LAMA2: variants seen among roughly 807,000 people sequenced by gnomAD.
LAMA2 encodes laminin subunit alpha-2.
In LAMA2, 269 loss-of-function variants were observed where a neutral mutation model predicts 364.8. That is an observed-to-expected ratio of 0.74 (90% confidence interval 0.67 to 0.82). The LOEUF is 0.82. LAMA2 is among the 40% of genes least tolerant of loss of function. The pLI, the probability that LAMA2 is intolerant of heterozygous loss-of-function variation, is 0.00. For missense variants in LAMA2, 3,807 were observed against 3,873.2 expected (o/e 0.98, Z 0.45); for synonymous variants, 1,379 against 1,370.6 (o/e 1.01, Z -0.14).
chr6:129,122,282 A>G (rs927082739), intron 4 of LAMA2, among the ~76,000 whole-genome samples: 1 of 152,200 alleles, frequency 6.6e-6, no homozygotes, highest in Non-Finnish European at 1.5e-5. Context: ...TTATATGAGA[A>G]CTTATTCCTT....
At chr6:129,216,596 G>A (rs573154950) in intron 12 of LAMA2, among the ~76,000 whole-genome samples, 22 of 152,238 alleles carry the variant, frequency 1.4e-4, no homozygotes, top group African/African-American at 5.3e-4. Context: ...GCTAGTCAAT[G>A]TTGAATCACA....
chr6:128,914,818 C>A (rs1283594412), intron 1 of LAMA2, among the ~76,000 whole-genome samples: 1 of 151,994 alleles, frequency 6.6e-6, no homozygotes, highest in African/African-American at 2.4e-5. Context: ...TTATTGGGTT[C>A]ATTATTATCA....
At chr6:129,406,026 A>G (rs536686143) in intron 40 of LAMA2, among the ~76,000 whole-genome samples, 1 of 152,306 alleles carries the variant, frequency 6.6e-6, no homozygotes, top group East Asian at 1.9e-4. Flanking sequence ...GTCAAGTAGT[A>G]GAGCAACCAA....
At position 129,425,334 on chromosome 6, in the gene LAMA2, A is replaced by C. The variant is rs950591140; in HGVS notation, c.5866-2418A>C. On this transcript the variant is annotated intron_variant, in intron 40 of 64. Transcript: ENST00000421865. ...TCCCTCCACAATTTCCACAACTTAG[A>C]TTTTAGCCTCTTTCACTGTTGTTTG... Among the ~76,000 whole-genome samples the C allele has an allele frequency of 8.5e-5, 13 of 152,082 alleles. 1 individual carries two copies. Among genetic ancestry groups the C allele is most frequent in the African/African-American group, 3.1e-4 (13 of 41,492 alleles).
chr6:129,230,080 GA>G (rs1255560468), intron 12 of LAMA2, among the ~76,000 whole-genome samples: 1 of 152,038 alleles, frequency 6.6e-6, no homozygotes, highest in Admixed American at 6.6e-5. Context: ...AATGAATAAC[GA>G]GACAAAATAT....
At chr6:129,154,774 T>C in intron 8 of LAMA2, 91 bp downstream of exon 8, 3 of 1,054,414 alleles carry the variant, frequency 2.8e-6, no homozygotes, top group Non-Finnish European at 4.3e-6. Context: ...TTTGAAAGCT[T>C]CTGTAAACAG....
rs189768181 is a variant in LAMA2, at chr6:129,418,993, C to T, written c.5866-8759C>T. ...AATATGCACTACCTCACATACTGGT[C>T]ATTTTTCTGTGTTGAGAACACTTAA... On this transcript the variant is annotated intron_variant, in intron 40 of 64. Coordinates refer to ENST00000421865, the MANE Select transcript of LAMA2 (RefSeq NM_000426.4). Among the ~76,000 whole-genome samples the T allele has an allele frequency of 2.0e-5, 3 of 151,962 alleles. No homozygotes were observed. In the East Asian group the frequency reaches 5.8e-4, roughly 29 times the overall value.
intron 3 of LAMA2, among the ~76,000 whole-genome samples, chr6:129,097,372 C>T (rs1775248661): frequency 6.6e-6 from 1 of 152,174 alleles, no homozygotes; most frequent in African/African-American, 2.4e-5. Context: ...TACCACAAAA[C>T]ATCTAGAATA....
At chr6:129,271,882 G>A (rs73774634) in intron 17 of LAMA2, among the ~76,000 whole-genome samples, 2,092 of 152,080 alleles carry the variant, frequency 0.014, 49 homozygotes, top group African/African-American at 0.048. Flanking sequence ...CCCAGAATGC[G>A]CCTAATTAAA....
intron 1 of LAMA2, among the ~76,000 whole-genome samples, chr6:129,005,458 C>T (rs1002161895): frequency 6.6e-6 from 1 of 151,712 alleles, no homozygotes; most frequent in Non-Finnish European, 1.5e-5. Flanking sequence ...TCAAAGAAAA[C>T]CTGCTTTTTA....
chr6:129,095,883 A>G (rs1271187273), intron 3 of LAMA2, among the ~76,000 whole-genome samples: 1 of 151,898 alleles, frequency 6.6e-6, no homozygotes, highest in Non-Finnish European at 1.5e-5. Context: ...AGCTTGCGCC[A>G]TTGCACTCCA....
rs764597877 is a variant in LAMA2, at chr6:129,188,926, G to A, written c.1468-1279G>A. 4.6e-5 allele frequency among the ~76,000 whole-genome samples: 7 copies of A among 151,884 alleles called. No homozygotes were observed. In the Middle Eastern group the frequency reaches 0.01, roughly 221 times the overall value. ...ATCATCCCTATCTTCTGCTCAATCT[G>A]GGTTTGTTTAAAGTGTTTTTATTCA... On this transcript the variant is annotated intron_variant, in intron 10 of 64. Coordinates refer to ENST00000421865, the MANE Select transcript of LAMA2 (RefSeq NM_000426.4).
At chr6:129,048,440 TTTTCTTTC>T (rs1271730400) in intron 1 of LAMA2, among the ~76,000 whole-genome samples, 1,385 of 103,772 alleles carry the variant, frequency 0.013, 70 homozygotes, top group African/African-American at 0.027. Flanking sequence ...TTCTTTTTTC[TTTTCTTTC>T]TTTCTTTCTT....
intron 12 of LAMA2, among the ~76,000 whole-genome samples, chr6:129,208,652 A>G (rs1231373167): frequency 2.7e-5 from 4 of 145,754 alleles, no homozygotes; most frequent in Non-Finnish European, 4.5e-5. Context: ...GAAGGAAGGA[A>G]GAGAGGGAGA....
chr6:129,283,227 C>T (rs2326794), intron 18 of LAMA2, among the ~76,000 whole-genome samples: 98,040 of 151,854 alleles, frequency 0.65, 33,838 homozygotes, highest in Non-Finnish European at 0.77. Context: ...AAGAGGAGAA[C>T]AAAAATAACA....
chr6:129,285,908 T>G (rs191203082), intron 18 of LAMA2, among the ~76,000 whole-genome samples: 1 of 152,128 alleles, frequency 6.6e-6, no homozygotes, highest in African/African-American at 2.4e-5. Context: ...TAAAATCTTT[T>G]GTGAATATAA....
At chr6:129,241,344 G>C (rs118037989) in intron 12 of LAMA2, among the ~76,000 whole-genome samples, 1 of 152,168 alleles carries the variant, frequency 6.6e-6, no homozygotes, top group African/African-American at 2.4e-5. Context: ...GGATTTTCAA[G>C]TGCATTTAGA....
chr6:129,226,218 CTG>C (rs891543958), intron 12 of LAMA2, among the ~76,000 whole-genome samples: 1 of 152,146 alleles, frequency 6.6e-6, no homozygotes, highest in Non-Finnish European at 1.5e-5. Context: ...TATTTTGAGC[CTG>C]TGTGTGTCTC....
At chr6:129,016,629 C>G (rs1785087892) in intron 1 of LAMA2, among the ~76,000 whole-genome samples, 1 of 151,700 alleles carries the variant, frequency 6.6e-6, no homozygotes, top group African/African-American at 2.4e-5. Context: ...AAAATAGATG[C>G]AATTCAACTT....
Sources: allele counts gnomAD v4.1 joint callset (sites outside exome capture counted in the v4.1 genomes callset), GRCh38; gene constraint gnomAD v4.1.1; transcripts MANE v1.5; gene names NCBI Gene and HGNC (gene_info 2026-07-23, HGNC 2026-07-21).